SLC4A4: variants seen among roughly 807,000 people sequenced by gnomAD.
SLC4A4 encodes the protein solute carrier family 4 member 4.
In SLC4A4, 27 loss-of-function variants were observed where a neutral mutation model predicts 111.5. The ratio of observed to expected loss-of-function variants is 0.24; its 90% confidence interval spans 0.18 to 0.33. The LOEUF is 0.33. Among genes scored for constraint, SLC4A4 ranks in the 10% least tolerant of loss-of-function variants. The pLI is 1.00. For synonymous variants in SLC4A4, 443 were observed against 463.4 expected, an observed-to-expected ratio of 0.96 and a Z score of 0.57; for missense variants, 909 against 1,315.5, an observed-to-expected ratio of 0.69 and a Z score of 4.78.
intron 3 of SLC4A4, among the ~76,000 whole-genome samples, chr4:71,279,055 A>G (rs1331802597): frequency 6.6e-6 from 1 of 152,104 alleles, no homozygotes; most frequent in Non-Finnish European, 1.5e-5. Flanking sequence ...CATATTCATC[A>G]CTCATGTAGT....
intron 3 of SLC4A4, among the ~76,000 whole-genome samples, chr4:71,295,583 C>T (rs1414936691): frequency 2.6e-5 from 4 of 152,160 alleles, no homozygotes; most frequent in Non-Finnish European, 5.9e-5. Flanking sequence ...TATTTTAAAT[C>T]AAAGATGCTT....
intron 16 of SLC4A4, among the ~76,000 whole-genome samples, chr4:71,523,457 T>G (rs1365330755): frequency 6.6e-6 from 1 of 152,132 alleles, no homozygotes; most frequent in Non-Finnish European, 1.5e-5. Context: ...TACAGACATA[T>G]GACCAAAAAT....
chr4:71,443,083 A>ACTCTCTCTCTCTCTCT lies in SLC4A4; in HGVS notation c.965+2329_965+2344dup, dbSNP rs1180993467. ...CTTATGTCTATCCACAGAGGCCACT[A>ACTCTCTCTCTCTCTCT]CTCTCTCTCTCTCTCTCTCTCTCTC... On this transcript the variant is annotated intron_variant, in intron 8 of 25. Coordinates refer to ENST00000264485, the MANE Select transcript of SLC4A4 (RefSeq NM_001098484.3). 5.4e-4 allele frequency among the ~76,000 whole-genome samples: 17 copies of ACTCTCTCTCTCTCTCT among 31,446 alleles called. 2 individuals carry two copies. Among genetic ancestry groups the ACTCTCTCTCTCTCTCT allele is most frequent in the South Asian group, 3.7e-3 (2 of 536 alleles). 20.6% of individuals were successfully genotyped at this position (31,446 alleles called of 152,430 possible).
chr4:71,174,934 A>C (rs10938136), intron 2 of SLC4A4, among the ~76,000 whole-genome samples: 4 of 152,060 alleles, frequency 2.6e-5, no homozygotes, highest in African/African-American at 9.7e-5. Flanking sequence ...AATGGAGCCC[A>C]GGTGGGAAGT....
At chr4:71,144,145 A>T (rs1165649907) in intron 2 of SLC4A4, among the ~76,000 whole-genome samples, 2 of 152,206 alleles carry the variant, frequency 1.3e-5, no homozygotes, top group Non-Finnish European at 2.9e-5. Flanking sequence ...AAAGGGATCC[A>T]GTTTCAGCTT....
At chr4:71,565,615 A>G (rs1285874726) in intron 24 of SLC4A4, among the ~76,000 whole-genome samples, 1 of 151,844 alleles carries the variant, frequency 6.6e-6, no homozygotes, top group African/African-American at 2.4e-5. Flanking sequence ...AACTAAGCTC[A>G]TGCACTGGGC....
chr4:71,466,858 C>T (rs1727371632), intron 13 of SLC4A4, among the ~76,000 whole-genome samples: 1 of 151,612 alleles, frequency 6.6e-6, no homozygotes, highest in African/African-American at 2.4e-5. Flanking sequence ...TGCCTGTGGA[C>T]AGCAACACCC....
intron 2 of SLC4A4, among the ~76,000 whole-genome samples, chr4:71,130,792 G>T (rs2148961315): frequency 6.6e-6 from 1 of 152,248 alleles, no homozygotes; most frequent in African/African-American, 2.4e-5. Flanking sequence ...ATAAGTCTAT[G>T]CAAATAGTAG....
At chr4:71,412,667 A>G (rs904900179) in intron 7 of SLC4A4, among the ~76,000 whole-genome samples, 1 of 152,206 alleles carries the variant, frequency 6.6e-6, no homozygotes, top group Non-Finnish European at 1.5e-5. Context: ...AGACTGTGAG[A>G]TGAATCGGTA....
intron 2 of SLC4A4, among the ~76,000 whole-genome samples, chr4:71,116,826 C>A (rs1200210194): frequency 1.3e-5 from 2 of 152,024 alleles, no homozygotes; most frequent in African/African-American, 4.8e-5. Context: ...GCCTGTAATC[C>A]CAGCTACTGA....
At chr4:71,352,027 C>T (rs116053716) in intron 5 of SLC4A4, among the ~76,000 whole-genome samples, 8 of 152,218 alleles carry the variant, frequency 5.3e-5, no homozygotes, top group Non-Finnish European at 8.8e-5. Flanking sequence ...CCAGGGAGAT[C>T]GGAACCCATC....
chr4:71,352,300 A>G (rs1029224982), intron 5 of SLC4A4, among the ~76,000 whole-genome samples: 1 of 152,192 alleles, frequency 6.6e-6, no homozygotes, highest in African/African-American at 2.4e-5. Context: ...GAAGAAAATC[A>G]TGACTTGGCA....
intron 3 of SLC4A4, among the ~76,000 whole-genome samples, chr4:71,293,041 C>T (rs1724497944): frequency 6.7e-6 from 1 of 149,876 alleles, no homozygotes. Context: ...TGGGGTTTCA[C>T]CATCTTGGCC....
In SLC4A4 at chr4:71,464,481, A is replaced by G. The variant is rs140439161; in HGVS notation, c.1498-1963A>G. Among the ~76,000 whole-genome samples, 567 of 152,282 alleles carry G rather than the reference A, an allele frequency of 3.7e-3. 4 individuals are homozygous for G. The highest frequency in any genetic ancestry group is 0.013 in the African/African-American group (544 of 41,570). On this transcript the variant is annotated intron_variant, in intron 12 of 25. Coordinates refer to ENST00000264485, the MANE Select transcript of SLC4A4 (RefSeq NM_001098484.3). ...AAGATAGTCTCTCTACGGAATGGCT[A>G]TAAATAATGAGATGGTACCCTTCAG...
chr4:71,176,378 T>A (rs1012289056), intron 2 of SLC4A4, among the ~76,000 whole-genome samples: 10 of 152,042 alleles, frequency 6.6e-5, no homozygotes, highest in African/African-American at 2.4e-4. Flanking sequence ...ATCAAACTAC[T>A]CCGAGCTAAA....
chr4:71,120,609 T>G (rs1288440948), intron 2 of SLC4A4, among the ~76,000 whole-genome samples: 1 of 152,254 alleles, frequency 6.6e-6, no homozygotes, highest in Non-Finnish European at 1.5e-5. Flanking sequence ...GGCTTATGCC[T>G]GTAATCCCAG....
At position 71,123,064 on chromosome 4, in the gene SLC4A4, C is replaced by G. The variant is rs150723983; in HGVS notation, c.-2+30272C>G. Reference sequence around the variant, plus strand: ...AACGATCTCTTGAAAAGCAAAAATACAATACCTGCGAAAAGCAACAGAAGA... The same window carrying G: ...AACGATCTCTTGAAAAGCAAAAATAGAATACCTGCGAAAAGCAACAGAAGA... On this transcript the variant is annotated intron_variant, in intron 2 of 26. Transcript: ENST00000649996. Among the ~76,000 whole-genome samples, 380 of 152,192 alleles carry G rather than the reference C, an allele frequency of 2.5e-3. 1 individual carries two copies. Among genetic ancestry groups the G allele is most frequent in the African/African-American group, 8.9e-3 (368 of 41,530 alleles).
chr4:71,311,908 A>C (rs1726213400), intron 3 of SLC4A4, among the ~76,000 whole-genome samples: 1 of 151,192 alleles, frequency 6.6e-6, no homozygotes, highest in South Asian at 2.1e-4. Context: ...AGAGAGAGAG[A>C]GAGAGAGAGA....
At chr4:71,137,569 A>G (rs1743879561) in intron 2 of SLC4A4, among the ~76,000 whole-genome samples, 1 of 152,188 alleles carries the variant, frequency 6.6e-6, no homozygotes, top group African/African-American at 2.4e-5. Flanking sequence ...ACAAACTCTC[A>G]TTCTAATAGT....
Sources: allele counts gnomAD v4.1 joint callset (sites outside exome capture counted in the v4.1 genomes callset), GRCh38; gene constraint gnomAD v4.1.1; transcripts MANE v1.5; gene names NCBI Gene and HGNC (gene_info 2026-07-23, HGNC 2026-07-21).